The following HMMR variants were observed in gnomAD, a reference collection of about 807,000 sequenced individuals.
HMMR encodes hyaluronan mediated motility receptor.
Under a neutral mutation model 101.0 loss-of-function variants are expected in HMMR, and 108 were observed. That is an observed-to-expected ratio of 1.07 (90% CI 0.92 to 1.25). The LOEUF is 1.25. HMMR is among the 50% of genes most tolerant of loss of function. The pLI is 0.00. For missense variants in HMMR, 813 were observed against 788.7 expected (o/e 1.03, Z -0.37); for synonymous variants, 296 against 276.4 (o/e 1.07, Z -0.70).
At chr5:163,469,866 A>C in intron 5 of HMMR, 37 bp downstream of exon 5, 1 of 1,434,818 alleles carries the variant, frequency 7.0e-7, no homozygotes. Flanking sequence ...CAATTGAATA[A>C]ATATAAACAC....
rs77669641 is a variant in HMMR at position 163,487,052 on chromosome 5, G to A, written c.1962+2807G>A. 3.2e-3 allele frequency among the ~76,000 whole-genome samples: 484 copies of A among 152,266 alleles called. 5 individuals are homozygous for A. Among genetic ancestry groups the A allele is most frequent in the African/African-American group, 0.011 (452 of 41,558 alleles). Reference sequence around the variant, plus strand: ...GCCATTGAGCCTGGGAGACAACAGCGAAACAATCTAAAAAAAACAAAGATG... The same window carrying A: ...GCCATTGAGCCTGGGAGACAACAGCAAAACAATCTAAAAAAAACAAAGATG... On this transcript the variant is annotated intron_variant, in intron 16 of 17. Coordinates refer to ENST00000393915, the MANE Select transcript of HMMR (RefSeq NM_001142556.2).
intron 16 of HMMR, among the ~76,000 whole-genome samples, chr5:163,488,091 A>G (rs556644089): frequency 1.4e-3 from 212 of 152,330 alleles, no homozygotes; most frequent in Non-Finnish European, 2.4e-3. Flanking sequence ...CCTGGGCTCA[A>G]GGAATCTACC....
Position 163,475,654 on chromosome 5 carries a change from T to C in HMMR, c.1250T>C (p.Leu417Pro), listed in dbSNP as rs903393513. 7 of 1,601,312 alleles carry C rather than the reference T, an allele frequency of 4.4e-6. No homozygotes were observed. The highest frequency in any genetic ancestry group is 3.4e-5 in the Admixed American group (2 of 59,222). The stretch of plus-strand genomic sequence containing the variant: ...TCTAGAGCTGAAGAATTAAAACTCC[T>C]AGAAGAAAAGCTGAAAGGGTTTGTA... ...AKSRAEELKL[L>P]EEKLKGKEAE... The change falls in exon 11 of 18, where the codon CTA becomes CCA. Residue 417 changes from leucine (L) to proline (P), a missense_variant. By Grantham distance (98) the Leu-to-Pro change is moderately conservative. Coordinates refer to ENST00000393915, the MANE Select transcript of HMMR (RefSeq NM_001142556.2).
chr5:163,460,995 G>T (rs1487637524), intron 1 of HMMR, among the ~76,000 whole-genome samples: 1 of 152,192 alleles, frequency 6.6e-6, no homozygotes, highest in Non-Finnish European at 1.5e-5. Context: ...AATAAACAGC[G>T]GTAATGGAGA....
rs1046065650 is a variant in HMMR, at chr5:163,491,673, C to T, written c.*509C>T. On this transcript the variant is annotated 3_prime_UTR_variant, in exon 18 of 18. Transcript: ENST00000393915. The stretch of plus-strand genomic sequence containing the variant: ...GACAAGCCTAACTTCATAGAAACCT[C>T]TCTATTTTTAATCAGTTGTTTAATA... The T allele has an allele frequency of 2.6e-5, 4 of 152,184 alleles. No homozygotes were observed. Among genetic ancestry groups the T allele is most frequent in the African/African-American group, 9.7e-5 (4 of 41,442 alleles). The allele number at this position is 152,184 out of a possible 1,614,324, so 9.4% of individuals were successfully genotyped here.
chr5:163,460,862 T>C lies in HMMR; in HGVS notation c.46+124T>C, dbSNP rs576189346. ...GTCGGGCTGGGGCTCATTCAGTTGA[T>C]TGATTTTTCTCAAATATGCTCTAAG... is the stretch of plus-strand genomic sequence containing the variant. On this transcript the variant is annotated intron_variant, in intron 1 of 17. Transcript: ENST00000393915. 40 of 791,640 alleles carry C rather than the reference T, an allele frequency of 5.1e-5. No homozygotes were observed. In the East Asian group the frequency reaches 6.4e-4, roughly 13 times the overall value. The allele number at this position is 791,640 out of a possible 1,614,324, so 49.0% of individuals were successfully genotyped here. A position where few individuals can be genotyped will look rare whatever the true frequency, so the allele number is the denominator to read the frequency against.
chr5:163,462,336 C>T (rs1758566220), intron 1 of HMMR, among the ~76,000 whole-genome samples: 1 of 150,340 alleles, frequency 6.7e-6, no homozygotes, highest in South Asian at 2.1e-4. Context: ...GTACTCCAGC[C>T]TGGGTGACAG....
intron 11 of HMMR, among the ~76,000 whole-genome samples, chr5:163,478,041 T>C (rs1312161220): frequency 2.0e-5 from 3 of 152,162 alleles, no homozygotes; most frequent in Non-Finnish European, 4.4e-5. Context: ...GTATATTCTT[T>C]AAAAGATCTC....
chr5:163,461,242 T>C (rs538008450), intron 1 of HMMR, among the ~76,000 whole-genome samples: 9 of 152,334 alleles, frequency 5.9e-5, no homozygotes, highest in Non-Finnish European at 1.0e-4. Context: ...ATGGCTGATA[T>C]TGACCACTTA....
chr5:163,474,355 G>A (rs1323080545), intron 10 of HMMR, 150 bp downstream of exon 10: 2 of 645,442 alleles, frequency 3.1e-6, no homozygotes, highest in African/African-American at 3.7e-5. Context: ...ATATGCTGAG[G>A]ATTTAGCTAC....
intron 16 of HMMR, among the ~76,000 whole-genome samples, chr5:163,486,482 C>A (rs1438803628): frequency 6.6e-6 from 1 of 152,110 alleles, no homozygotes. Context: ...TTGTATCCTG[C>A]ACCCTTGCTA....
intron 3 of HMMR, among the ~76,000 whole-genome samples, chr5:163,467,090 C>G: frequency 6.6e-6 from 1 of 152,168 alleles, no homozygotes; most frequent in Non-Finnish European, 1.5e-5. Context: ...TCCTGCCCCA[C>G]TTAGAAACAT....
chr5:163,473,234 G>T lies in HMMR; in HGVS notation c.706G>T (p.Glu236Ter). Residue 236 changes from glutamate (E) to a stop codon, truncating the protein, a stop_gained, in exon 8 of 18, where the codon GAA becomes TAA. Coordinates refer to ENST00000393915, the MANE Select transcript of HMMR (RefSeq NM_001142556.2). LOFTEE classifies it high-confidence loss of function. ...AAAATCTGAAACAGAAAAACTCTTGGAATACATCGAAGAAATTAGGTAATA... is the reference window on the plus strand; with the variant it reads ...AAAATCTGAAACAGAAAAACTCTTGTAATACATCGAAGAAATTAGGTAATA... ...DEKSETEKLLEYIEEISCASD... is the reference protein window; with the variant it reads ...DEKSETEKLL The T allele has an allele frequency of 6.3e-7, 1 of 1,576,206 alleles. No individual in the cohort carries two copies. The highest frequency in any genetic ancestry group is 1.1e-5 in the South Asian group (1 of 89,358).
chr5:163,464,325 G>C (rs1172068558), intron 2 of HMMR, among the ~76,000 whole-genome samples: 1 of 152,166 alleles, frequency 6.6e-6, no homozygotes, highest in African/African-American at 2.4e-5. Context: ...GTTGTAATTA[G>C]AAATTTGGGG....
At position 163,469,741 on chromosome 5, in the gene HMMR, G is replaced by A. The variant is rs778577851; in HGVS notation, c.374G>A (p.Arg125Lys). The A allele has an allele frequency of 3.7e-6, 6 of 1,613,094 alleles. No individual in the cohort carries two copies. Among genetic ancestry groups the A allele is most frequent in the Middle Eastern group, 1.7e-4 (1 of 6,060 alleles). Reference protein sequence around the residue: ...KMEARLNAALREKTSLSANNA... With the variant: ...KMEARLNAALKEKTSLSANNA... ...GAAGCAAGGCTAAATGCTGCACTAA[G>A]GGAAAAAACATCTCTCTCTGCAAAT... Residue 125 changes from arginine (R) to lysine (K), a missense_variant, in exon 5 of 18, where the codon AGG becomes AAG. By Grantham distance (26) the Arg-to-Lys change is conservative (BLOSUM62 2). Transcript: ENST00000393915.
In HMMR at chr5:163,460,655, G is replaced by T; in HGVS notation, c.-38G>T. 1 of 1,582,858 alleles carries T rather than the reference G, an allele frequency of 6.3e-7. No individual in the cohort carries two copies. The highest frequency in any genetic ancestry group is 8.6e-7 in the Non-Finnish European group (1 of 1,160,870). ...ATAATCCGCATTCAGTTGTCGAGGA[G>T]TGCCAGTCACCTTCAGTTTCTGGAG... On this transcript the variant is annotated 5_prime_UTR_variant, in exon 1 of 18. Coordinates refer to ENST00000393915, the MANE Select transcript of HMMR (RefSeq NM_001142556.2).
At chr5:163,472,056 T>A (rs866140779) in intron 7 of HMMR, among the ~76,000 whole-genome samples, 48 of 148,378 alleles carry the variant, frequency 3.2e-4, no homozygotes, top group Non-Finnish European at 6.3e-4. Context: ...TATTATTTAT[T>A]TTTTTTTTTA....
chr5:163,465,606 C>G (rs1338335383), intron 3 of HMMR, among the ~76,000 whole-genome samples: 1 of 152,156 alleles, frequency 6.6e-6, no homozygotes, highest in Non-Finnish European at 1.5e-5. Flanking sequence ...CTTTGGCCTC[C>G]CAAAGTGCTG....
chr5:163,486,125 C>T (rs1759469064), intron 16 of HMMR, among the ~76,000 whole-genome samples: 1 of 152,130 alleles, frequency 6.6e-6, no homozygotes, highest in African/African-American at 2.4e-5. Flanking sequence ...TATTCTGGAC[C>T]TCTTGCAATT....
Sources: gnomAD v4.1 joint callset for allele counts (sites outside exome capture counted in the v4.1 genomes callset) on GRCh38, gnomAD v4.1.1 for gene constraint, MANE v1.5 for transcripts, NCBI Gene and HGNC (gene_info 2026-07-23, HGNC 2026-07-21) for gene names.